DYM: variants seen among roughly 807,000 people sequenced by gnomAD.
DYM encodes dyggve-Melchior-Clausen syndrome protein.
In DYM, 78 loss-of-function variants were observed where a neutral mutation model predicts 93.1. That is an observed-to-expected ratio of 0.84 (90% CI 0.70 to 1.01). The LOEUF is 1.01. Ranked by LOEUF, DYM falls within the 50% of genes least tolerant of loss-of-function variation. The pLI is 0.00. For synonymous variants in DYM, 321 were observed against 319.7 expected (o/e 1.00, Z -0.04); for missense variants, 789 against 845.0 (o/e 0.93, Z 0.82).
chr18:49,410,616 C>A (rs1436824780), intron 2 of DYM, among the ~76,000 whole-genome samples: 1 of 150,674 alleles, frequency 6.6e-6, no homozygotes, highest in Non-Finnish European at 1.5e-5. Context: ...TGAGTTGAAG[C>A]CTGGACAACA....
At chr18:49,231,897 G>A (rs528459968) in intron 13 of DYM, among the ~76,000 whole-genome samples, 15 of 152,272 alleles carry the variant, frequency 9.9e-5, no homozygotes, top group African/African-American at 2.9e-4. Context: ...AAACTGCAAC[G>A]TCTGTATCTG....
chr18:49,113,964 A>G (rs2081675522), intron 16 of DYM, among the ~76,000 whole-genome samples: 1 of 152,198 alleles, frequency 6.6e-6, no homozygotes, highest in African/African-American at 2.4e-5. Context: ...TAATAGAATG[A>G]GAACCTGGAT....
At chr18:49,064,801 TAC>T (rs1024315261) in intron 17 of DYM, among the ~76,000 whole-genome samples, 1 of 151,830 alleles carries the variant, frequency 6.6e-6, no homozygotes, top group African/African-American at 2.4e-5. Flanking sequence ...GTTTAATTTT[TAC>T]CATGTTCAAA....
chr18:49,432,599 A>ATTTTT (rs35279467), intron 1 of DYM, among the ~76,000 whole-genome samples: 1,394 of 129,490 alleles, frequency 0.011, 24 homozygotes, highest in African/African-American at 0.035. Context: ...CAGCATTAAA[A>ATTTTT]TTTTTTTTTT....
intron 14 of DYM, among the ~76,000 whole-genome samples, chr18:49,172,275 T>A (rs2088840626): frequency 6.6e-6 from 1 of 152,224 alleles, no homozygotes; most frequent in Non-Finnish European, 1.5e-5. Context: ...TATTTATCAG[T>A]GTTGGTCTAT....
chr18:49,084,865 C>A (rs141067940), intron 17 of DYM, among the ~76,000 whole-genome samples: 1 of 152,100 alleles, frequency 6.6e-6, no homozygotes, highest in Non-Finnish European at 1.5e-5. Flanking sequence ...GAAATATACA[C>A]GCAGATGGTA....
chr18:49,091,224 G>C (rs1204164388), intron 17 of DYM, among the ~76,000 whole-genome samples: 1 of 151,954 alleles, frequency 6.6e-6, no homozygotes, highest in African/African-American at 2.4e-5. Context: ...AGATACCCCA[G>C]TAAACAAAAT....
At chr18:49,357,745 C>A (rs2065687431) in intron 6 of DYM, among the ~76,000 whole-genome samples, 1 of 152,204 alleles carries the variant, frequency 6.6e-6, no homozygotes. Context: ...AGTGAGCAAA[C>A]CAAATGCTGC....
intron 13 of DYM, among the ~76,000 whole-genome samples, chr18:49,240,086 T>C (rs973635763): frequency 8.5e-5 from 13 of 152,142 alleles, no homozygotes; most frequent in African/African-American, 3.1e-4. Flanking sequence ...TAAATATTTA[T>C]TAAATGGAAG....
chr18:49,254,325 T>TATATATATAC (rs1279388698), intron 13 of DYM, among the ~76,000 whole-genome samples: 31 of 138,620 alleles, frequency 2.2e-4, no homozygotes, highest in South Asian at 1.2e-3. Context: ...TATATATATA[T>TATATATATAC]ACACACATAG....
intron 8 of DYM, among the ~76,000 whole-genome samples, chr18:49,299,504 G>A (rs541704151): frequency 7.3e-4 from 111 of 151,998 alleles, no homozygotes; most frequent in Middle Eastern, 3.4e-3. Flanking sequence ...GTTCCTTTAC[G>A]ATATACAGAC....
At chr18:49,124,885 AATAAC>A (rs1568459629) in intron 15 of DYM, among the ~76,000 whole-genome samples, 1 of 152,256 alleles carries the variant, frequency 6.6e-6, no homozygotes, top group Non-Finnish European at 1.5e-5. Context: ...AACAAAAATG[AATAAC>A]ATAATTCAGA....
At chr18:49,206,261 G>A (rs1481484225) in intron 14 of DYM, among the ~76,000 whole-genome samples, 1 of 152,110 alleles carries the variant, frequency 6.6e-6, no homozygotes, top group Non-Finnish European at 1.5e-5. Flanking sequence ...GCCTCCCAAA[G>A]TGCTGGTATT....
At chr18:49,372,220 CT>C (rs1202656386) in intron 5 of DYM, among the ~76,000 whole-genome samples, 3 of 152,182 alleles carry the variant, frequency 2.0e-5, no homozygotes, top group African/African-American at 7.2e-5. Flanking sequence ...ATTTTTCCCC[CT>C]TTCAACAGTA....
At chr18:49,187,245 T>C (rs936740107) in intron 14 of DYM, among the ~76,000 whole-genome samples, 2 of 152,150 alleles carry the variant, frequency 1.3e-5, no homozygotes, top group Admixed American at 6.5e-5. Flanking sequence ...TAAGAAAAGT[T>C]ACTCTTGCAA....
At chr18:49,088,093 T>G (rs1468195692) in intron 17 of DYM, among the ~76,000 whole-genome samples, 1 of 152,152 alleles carries the variant, frequency 6.6e-6, no homozygotes, top group African/African-American at 2.4e-5. Context: ...GTAGTTTCTT[T>G]TGCTGTGCAG....
At chr18:49,355,474 T>C (rs887973551) in intron 6 of DYM, among the ~76,000 whole-genome samples, 5 of 151,820 alleles carry the variant, frequency 3.3e-5, no homozygotes, top group Admixed American at 6.5e-5. Context: ...AATAGATATA[T>C]TGATCAATAT....
At chr18:49,411,294 A>G (rs2072215818) in intron 2 of DYM, among the ~76,000 whole-genome samples, 1 of 152,212 alleles carries the variant, frequency 6.6e-6, no homozygotes, top group South Asian at 2.1e-4. Flanking sequence ...CACATAAATT[A>G]TTATAAAAAG....
intron 17 of DYM, among the ~76,000 whole-genome samples, chr18:49,047,421 T>C (rs143289789): frequency 6.6e-6 from 1 of 152,376 alleles, no homozygotes; most frequent in East Asian, 1.9e-4. Flanking sequence ...TTTGGCCCAG[T>C]CTGGCTGACA....
Sources: gnomAD v4.1 joint callset for allele counts (sites outside exome capture counted in the v4.1 genomes callset) on GRCh38, gnomAD v4.1.1 for gene constraint, MANE v1.5 for transcripts, NCBI Gene and HGNC (gene_info 2026-07-23, HGNC 2026-07-21) for gene names.